SERPIND1: variants seen among roughly 807,000 people sequenced by gnomAD.
SERPIND1 encodes heparin cofactor 2.
A neutral mutation model predicts 35.0 loss-of-function variants in SERPIND1; 34 were observed. The ratio of observed to expected loss-of-function variants is 0.97; its 90% CI spans 0.74 to 1.29. The LOEUF (loss-of-function observed/expected upper bound fraction) is 1.29. Ranked by LOEUF, SERPIND1 falls within the 50% of genes most tolerant of loss-of-function variation. The probability of loss-of-function intolerance (pLI) is 0.00; values close to 1 mark genes in which losing one functional copy is unlikely to be tolerated. For missense variants in SERPIND1, 633 were observed against 637.7 expected (o/e 0.99, Z 0.08); for synonymous variants, 236 against 241.1 (o/e 0.98, Z 0.19).
In SERPIND1 at chr22:20,779,831, C is replaced by G; in HGVS notation, c.519C>G (p.Thr173=). 1 of 1,614,146 alleles carries G rather than the reference C, an allele frequency of 6.2e-7. No individual in the cohort carries two copies. The highest frequency in any genetic ancestry group is 8.5e-7 in the Non-Finnish European group (1 of 1,180,030). Residue 173 remains threonine (T), a synonymous_variant, in exon 2 of 5, where the codon ACC becomes ACG. Transcript: ENST00000215727. ...TTTCCTTAGGTCTGAAGGGAGAGACCCATGAACAAGTGCACTCGATTTTGC... is the reference window on the plus strand; with the variant it reads ...TTTCCTTAGGTCTGAAGGGAGAGACGCATGAACAAGTGCACTCGATTTTGC... ...GMISLGLKGE[T]HEQVHSILHF...
At position 20,786,883 on chromosome 22, in the gene SERPIND1, C is replaced by T. The variant is rs774578733; in HGVS notation, c.1317C>T (p.His439=). ...CTTTCCTTTCCAAACAGTTCAAGCA[C>T]CAAGGCACGATCACAGTGAACGAGG... The part of the protein sequence containing the change: ...DQRIAIDLFK[H]QGTITVNEEG... Residue 439 remains histidine (H), a synonymous_variant, in exon 5 of 5, where the codon CAC becomes CAT. Coordinates refer to ENST00000215727, the MANE Select transcript of SERPIND1 (RefSeq NM_000185.4). 7.4e-6 allele frequency: 12 copies of T among 1,614,186 alleles called. No individual in the cohort carries two copies. Among genetic ancestry groups the T allele is most frequent in the East Asian group, 4.5e-5 (2 of 44,876 alleles).
intron 2 of SERPIND1, 130 bp from the exon 3 acceptor site, chr22:20,783,842 A>G: frequency 1.6e-6 from 2 of 1,241,892 alleles, no homozygotes; most frequent in Admixed American, 1.8e-5. Flanking sequence ...CTCAGGAATC[A>G]AGAGACTGTG....
At chr22:20,786,841 C>T (rs1227011097) in intron 4 of SERPIND1, 34 bp from the exon 5 acceptor site, 1 of 1,607,886 alleles carries the variant, frequency 6.2e-7, no homozygotes, top group African/African-American at 1.3e-5. Context: ...TGTGTGCTGA[C>T]CTCCAGAATC....
Position 20,785,707 on chromosome 22 carries a change from C to T in SERPIND1, c.1164-297C>T, listed in dbSNP as rs535848553. 4.6e-5 allele frequency among the ~76,000 whole-genome samples: 7 copies of T among 151,972 alleles called. 1 individual carries two copies. In the South Asian group the frequency reaches 1.5e-3, roughly 32 times the overall value. On this transcript the variant is annotated intron_variant, in intron 3 of 4. Coordinates refer to ENST00000215727, the MANE Select transcript of SERPIND1 (RefSeq NM_000185.4). ...CCAAACCAGAGAATTATTTTAGATG[C>T]CTTTTTAAACCATAAACCAGGAAAA...
At chr22:20,786,238 A>G (rs902155915) in intron 4 of SERPIND1, 90 bp downstream of exon 4, 2 of 1,357,930 alleles carry the variant, frequency 1.5e-6, no homozygotes, top group African/African-American at 1.4e-5. Flanking sequence ...CCACCCCCCA[A>G]TCTCATGTCC....
At chr22:20,786,809 T>C (rs1934272026) in intron 4 of SERPIND1, 66 bp from the exon 5 acceptor site, 3 of 1,454,404 alleles carry the variant, frequency 2.1e-6, no homozygotes, top group East Asian at 2.3e-5. Flanking sequence ...GATATGAGAT[T>C]GTGCTGGGAA....
rs1341894108 is a variant in SERPIND1, at chr22:20,779,594, C to T, written c.282C>T (p.Asp94=). The T allele has an allele frequency of 5.0e-6, 8 of 1,614,140 alleles. No individual in the cohort carries two copies. Among genetic ancestry groups the T allele is most frequent in the Non-Finnish European group, 6.8e-6 (8 of 1,180,048 alleles). ...KIFSEDDDYI[D]IVDSLSVSPT... is the part of the protein sequence containing the mutation. ...TCAGTGAAGACGACGACTACATCGA[C>T]ATCGTCGACAGTCTGTCAGTTTCCC... Residue 94 remains aspartate, a synonymous_variant, in exon 2 of 5, where the codon GAC becomes GAT. Coordinates refer to ENST00000215727, the MANE Select transcript of SERPIND1 (RefSeq NM_000185.4).
In SERPIND1 at chr22:20,786,103, T is replaced by G; in HGVS notation, c.1263T>G (p.Asn421Lys). 6.2e-7 allele frequency: 1 copy of G among 1,614,050 alleles called. No homozygotes were observed. Residue 421 changes from asparagine (N) to lysine (K), a missense_variant, in exon 4 of 5, where the codon AAT becomes AAG. By Grantham distance (94) the Asn-to-Lys change is moderately conservative (BLOSUM62 0). Coordinates refer to ENST00000215727, the MANE Select transcript of SERPIND1 (RefSeq NM_000185.4). ...LMGIRMLFDKNGNMAGISDQR... is the reference protein window; with the variant it reads ...LMGIRMLFDKKGNMAGISDQR... ...GGATCAGGATGCTGTTTGACAAAAA[T>G]GGCAACATGGCAGGCATCTCAGACC... is the stretch of plus-strand genomic sequence containing the variant.
In SERPIND1 at chr22:20,785,863, A is replaced by C. The variant is rs1268947821; in HGVS notation, c.1164-141A>C. The C allele has an allele frequency of 4.1e-6, 5 of 1,208,938 alleles. No individual in the cohort carries two copies. The Admixed American group carries it at 8.7e-5, about 21-fold the overall frequency. The allele number at this position is 1,208,938 out of a possible 1,614,324, so 74.9% of individuals were successfully genotyped here. A position where few individuals can be genotyped will look rare whatever the true frequency, so the allele number is the denominator to read the frequency against. On this transcript the variant is annotated intron_variant, in intron 3 of 4. Transcript: ENST00000215727. ...GTGTGCTTCCTAAAATCCTCAACTG[A>C]CAGTCCCGGAATATAAATTTTAATA...
chr22:20,781,916 A>T (rs1347517120), intron 2 of SERPIND1, among the ~76,000 whole-genome samples: 10 of 152,212 alleles, frequency 6.6e-5, no homozygotes, highest in Non-Finnish European at 4.4e-5. Flanking sequence ...GACAGGGCCG[A>T]GGGAAGAACC....
chr22:20,777,824 G>A (rs577660056), intron 1 of SERPIND1, among the ~76,000 whole-genome samples: 2 of 152,336 alleles, frequency 1.3e-5, no homozygotes, highest in East Asian at 3.9e-4. Context: ...GGATTTGGCA[G>A]TCAAAACAGA....
At chr22:20,781,411 G>A (rs1299046448) in intron 2 of SERPIND1, among the ~76,000 whole-genome samples, 2 of 152,220 alleles carry the variant, frequency 1.3e-5, no homozygotes, top group East Asian at 1.9e-4. Context: ...AGTACTTGGA[G>A]GCCAGTGCTT....
chr22:20,784,961 A>G (rs989286234), intron 3 of SERPIND1, among the ~76,000 whole-genome samples: 1 of 152,060 alleles, frequency 6.6e-6, no homozygotes, highest in Non-Finnish European at 1.5e-5. Context: ...TTGCCCGGGT[A>G]GCCAGTCATC....
chr22:20,784,652 G>C (rs1415843404), intron 3 of SERPIND1, among the ~76,000 whole-genome samples: 3 of 152,194 alleles, frequency 2.0e-5, no homozygotes, highest in Non-Finnish European at 4.4e-5. Context: ...CTCAAAAAAA[G>C]ATTGGCTCAA....
chr22:20,775,318 G>A (rs1012828011), intron 1 of SERPIND1, among the ~76,000 whole-genome samples: 1 of 152,100 alleles, frequency 6.6e-6, no homozygotes, highest in African/African-American at 2.4e-5. Flanking sequence ...TACAATGTTT[G>A]TTATACTAAA....
intron 2 of SERPIND1, 46 bp downstream of exon 2, chr22:20,780,247 A>C (rs1569024619): frequency 1.2e-6 from 2 of 1,613,552 alleles, no homozygotes; most frequent in Admixed American, 3.3e-5. Context: ...ACAACATACT[A>C]TTTTTGTATG....
chr22:20,780,458 AGC>A (rs1222388451), intron 2 of SERPIND1, among the ~76,000 whole-genome samples: 1 of 152,194 alleles, frequency 6.6e-6, no homozygotes, highest in Non-Finnish European at 1.5e-5. Context: ...TTACAGAGGA[AGC>A]CACCAACACA....
Position 20,784,248 on chromosome 22 carries a change from A to G in SERPIND1, c.1163+3A>G, listed in dbSNP as rs753051534. ...TGGCAAAAAAGCATGACAAACAGGT[A>G]TTTCACACTGTGTGTTTGTTCTTTT... On this transcript the variant is annotated splice_donor_region_variant and intron_variant, in intron 3 of 4. Coordinates refer to ENST00000215727, the MANE Select transcript of SERPIND1 (RefSeq NM_000185.4). 6.2e-7 allele frequency: 1 copy of G among 1,614,096 alleles called. No individual in the cohort carries two copies. Among genetic ancestry groups the G allele is most frequent in the East Asian group, 2.2e-5 (1 of 44,888 alleles).
Position 20,787,146 on chromosome 22 carries a change from C to CTCGT in SERPIND1, c.*81_*82insCGTT. On this transcript the variant is annotated 3_prime_UTR_variant, in exon 5 of 5. Coordinates refer to ENST00000215727, the MANE Select transcript of SERPIND1 (RefSeq NM_000185.4). ...TTCCAACAACGAGAACAGAGATGTT[C>CTCGT]TGGCATCATTTACGTAGTTTACGCT... 1 of 1,304,598 alleles carries CTCGT rather than the reference C, an allele frequency of 7.7e-7. No homozygotes were observed. The highest frequency in any genetic ancestry group is 1.1e-6 in the Non-Finnish European group (1 of 903,652). 80.8% of individuals were successfully genotyped at this position (1,304,598 alleles called of 1,614,324 possible). A position where few individuals can be genotyped will look rare whatever the true frequency, so the allele number is the denominator to read the frequency against.
Sources: allele counts gnomAD v4.1 joint callset (sites outside exome capture counted in the v4.1 genomes callset), GRCh38; gene constraint gnomAD v4.1.1; transcripts MANE v1.5; gene names NCBI Gene and HGNC (gene_info 2026-07-23, HGNC 2026-07-21).